Variants in CACNA1G observed in about 807,000 individuals in gnomAD.
CACNA1G encodes the protein voltage-dependent T-type calcium channel subunit alpha-1G.
CACNA1G carries 67 observed loss-of-function variants against 219.4 expected under a neutral mutation model. That is an observed-to-expected ratio of 0.31 (90% CI 0.25 to 0.37). CACNA1G has a LOEUF of 0.37. Among genes scored for constraint, CACNA1G ranks in the 10% least tolerant of loss-of-function variants. The probability of loss-of-function intolerance (pLI) is 1.00; values close to 1 mark genes in which losing one functional copy is unlikely to be tolerated. For missense variants in CACNA1G, 2,380 were observed against 3,231.4 expected (o/e 0.74, Z 6.39); for synonymous variants, 1,296 against 1,345.3 (o/e 0.96, Z 0.80).
chr17:50,578,708 G>C lies in CACNA1G; in HGVS notation c.2301+144G>C. 1.2e-6 allele frequency: 1 copy of C among 808,826 alleles called. No individual in the cohort carries two copies. The highest frequency in any genetic ancestry group is 1.9e-6 in the Non-Finnish European group (1 of 533,474). 50.1% of individuals were successfully genotyped at this position (808,826 alleles called of 1,614,324 possible). A position where few individuals can be genotyped will look rare whatever the true frequency, so the allele number is the denominator to read the frequency against. On this transcript the variant is annotated intron_variant, in intron 9 of 37. Transcript: ENST00000359106. This position sits in a 1 kb window ranked among gnomAD's most constrained non-coding sequence, Gnocchi z 4.5. ...ACCTGGCAGGTAGGAGGGGAGGTGGGTGATGGAGCAATGCATGGGGATTCT... is the reference window on the plus strand; with the variant it reads ...ACCTGGCAGGTAGGAGGGGAGGTGGCTGATGGAGCAATGCATGGGGATTCT...
At chr17:50,576,736 C>T (rs2040751202) in intron 8 of CACNA1G, among the ~76,000 whole-genome samples, 2 of 152,202 alleles carry the variant, frequency 1.3e-5, no homozygotes, top group Admixed American at 6.5e-5. Flanking sequence ...GAGGGGATTG[C>T]ATGACTTGCC....
chr17:50,603,204 C>CT lies in CACNA1G; in HGVS notation c.4169+6dup. 6.3e-7 allele frequency: 1 copy of CT among 1,599,992 alleles called. No homozygotes were observed. The highest frequency in any genetic ancestry group is 1.1e-5 in the South Asian group (1 of 90,806). On this transcript the variant is annotated splice_donor_region_variant and intron_variant, in intron 21 of 37. Transcript: ENST00000359106. This position sits in a 1 kb window ranked among gnomAD's most constrained non-coding sequence, Gnocchi z 6.4. ...GCGGACCCTGCGCCCGCTCAGGTGA[C>CT]TCCCTCCCCAGCACTGGAACACCTC...
At chr17:50,614,273 T>A (rs2049937949) in intron 26 of CACNA1G, among the ~76,000 whole-genome samples, 1 of 152,186 alleles carries the variant, frequency 6.6e-6, no homozygotes, top group Non-Finnish European at 1.5e-5. Flanking sequence ...AGCTACCCCC[T>A]GGCTCAGGCC....
rs1340298168 is a variant in CACNA1G at position 50,571,522 on chromosome 17, C to A, written c.587-356C>A. ...ACCTACACTTAGCAGCTGTGTGATACTGGGTGAGTCAAGTCATTTCTCCAA... is the reference window on the plus strand; with the variant it reads ...ACCTACACTTAGCAGCTGTGTGATAATGGGTGAGTCAAGTCATTTCTCCAA... On this transcript the variant is annotated intron_variant, in intron 4 of 37. Transcript: ENST00000359106. This position sits in a 1 kb window ranked among gnomAD's most constrained non-coding sequence, Gnocchi z 4.3. 6.6e-6 allele frequency among the ~76,000 whole-genome samples: 1 copy of A among 152,180 alleles called. No homozygotes were observed. The highest frequency in any genetic ancestry group is 1.9e-4 in the East Asian group (1 of 5,196).
At chr17:50,616,161 G>T (rs2050550538) in intron 27 of CACNA1G, 114 bp from the exon 28 acceptor site, 1 of 638,632 alleles carries the variant, frequency 1.6e-6, no homozygotes. Context: ...GAGAAGACAG[G>T]GCTCCTTGGA....
In CACNA1G at chr17:50,590,632, C is replaced by A. The variant is rs185499803; in HGVS notation, c.2453+10C>A. The A allele has an allele frequency of 3.7e-5, 59 of 1,607,456 alleles. No homozygotes were observed. Among genetic ancestry groups the A allele is most frequent in the East Asian group, 3.2e-4 (14 of 44,404 alleles). ...TCATTGTGGTCATCAGGTATGACTA[C>A]CCCCCGGCACTGACTCTCAGTTGAG... On this transcript the variant is annotated intron_variant, in intron 10 of 37. Coordinates refer to ENST00000359106, the MANE Select transcript of CACNA1G (RefSeq NM_018896.5).
In CACNA1G at chr17:50,578,758, GA is replaced by G. The variant is rs1421050275; in HGVS notation, c.2301+195del. Among the ~76,000 whole-genome samples, 1 of 152,200 alleles carries G rather than the reference GA, an allele frequency of 6.6e-6. No homozygotes were observed. The highest frequency in any genetic ancestry group is 1.5e-5 in the Non-Finnish European group (1 of 68,042). ...TCTAGAGGGAGTGCTTAAAGTCTCT[GA>G]GTATGGAGGTCGCCTCAGGTAGGCC... On this transcript the variant is annotated intron_variant, in intron 9 of 37. Transcript: ENST00000359106. The surrounding 1 kb of genome is among the most constrained non-coding windows in gnomAD (Gnocchi z 4.5).
At chr17:50,615,339 G>A in intron 26 of CACNA1G, 22 bp from the exon 27 acceptor site, 3 of 1,564,498 alleles carry the variant, frequency 1.9e-6, no homozygotes, top group Non-Finnish European at 2.6e-6. Context: ...CGCTTGCTCT[G>A]CTCTTCCCCC....
chr17:50,602,664 G>A (rs533940369), intron 19 of CACNA1G, among the ~76,000 whole-genome samples, 156 bp from the exon 20 acceptor site: 5 of 152,274 alleles, frequency 3.3e-5, no homozygotes, highest in African/African-American at 9.6e-5. Flanking sequence ...GGCTCTGTGC[G>A]TGTATGAGAG....
chr17:50,604,696 G>A lies in CACNA1G; in HGVS notation c.4296+415G>A, dbSNP rs1224476104. On this transcript the variant is annotated intron_variant, in intron 22 of 37. Coordinates refer to ENST00000359106, the MANE Select transcript of CACNA1G (RefSeq NM_018896.5). ...AGGTTAGCAGCGTGCTGGCAGGCAG[G>A]CGGGTGCAGACCCCAGACGAGGCAG... 5.3e-5 allele frequency among the ~76,000 whole-genome samples: 8 copies of A among 152,264 alleles called. No individual in the cohort carries two copies. The East Asian group carries it at 1.5e-3, about 29-fold the overall frequency.
At chr17:50,606,481 A>C (rs2047993048) in intron 23 of CACNA1G, 4 of 581,766 alleles carry the variant, frequency 6.9e-6, no homozygotes, top group Non-Finnish European at 3.1e-6. Flanking sequence ...ATAAGGATGC[A>C]ATGAGATGAT....
chr17:50,615,861 C>T (rs768799194), intron 27 of CACNA1G, among the ~76,000 whole-genome samples: 5 of 152,204 alleles, frequency 3.3e-5, no homozygotes, highest in African/African-American at 4.8e-5. Context: ...TTCTAGCGAA[C>T]GTCCAGCTCC....
At position 50,603,467 on chromosome 17, in the gene CACNA1G, G is replaced by A. The variant is rs543263430; in HGVS notation, c.4169+268G>A. Among the ~76,000 whole-genome samples, 1 of 152,278 alleles carries A rather than the reference G, an allele frequency of 6.6e-6. No homozygotes were observed. Among genetic ancestry groups the A allele is most frequent in the East Asian group, 1.9e-4 (1 of 5,178 alleles). On this transcript the variant is annotated intron_variant, in intron 21 of 37. Transcript: ENST00000359106. The surrounding 1 kb of genome is among the most constrained non-coding windows in gnomAD (Gnocchi z 6.4). The stretch of plus-strand genomic sequence containing the variant: ...CACCATGTGATGTAAGGTGACTGCA[G>A]CCCTGTGCAGCACACAGCACAAGGG...
At chr17:50,601,019 C>T (rs563747779) in intron 18 of CACNA1G, 32 bp from the exon 19 acceptor site, 2 of 1,607,820 alleles carry the variant, frequency 1.2e-6, no homozygotes, top group African/African-American at 1.3e-5. Context: ...CCCTGCCTCC[C>T]CCTCTCAGCC....
chr17:50,624,265 G>C, intron 36 of CACNA1G, 95 bp from the exon 37 acceptor site: 1 of 1,260,264 alleles, frequency 7.9e-7, no homozygotes, highest in Non-Finnish European at 1.1e-6. Context: ...GAGGGGGAGA[G>C]AGTGGAAGGG....
chr17:50,609,046 C>T (rs1393394323), intron 25 of CACNA1G, among the ~76,000 whole-genome samples: 2 of 152,166 alleles, frequency 1.3e-5, no homozygotes, highest in East Asian at 1.9e-4. Context: ...TTTCACAAAT[C>T]GTCTTCCTTC....
intron 26 of CACNA1G, 111 bp downstream of exon 26, chr17:50,610,046 C>A: frequency 9.4e-7 from 1 of 1,067,656 alleles, no homozygotes; most frequent in Non-Finnish European, 1.4e-6. Context: ...TCCCTGGGGC[C>A]CCCAAGAGGG....
rs560138790 is a variant in CACNA1G, at chr17:50,605,778, A to G, written c.4297-120A>G. The G allele has an allele frequency of 2.1e-4, 225 of 1,047,846 alleles. 2 individuals are homozygous for G. In the East Asian group the frequency reaches 2.4e-3, roughly 11 times the overall value. The allele number at this position is 1,047,846 out of a possible 1,614,324, so 64.9% of individuals were successfully genotyped here. A position where few individuals can be genotyped will look rare whatever the true frequency, so the allele number is the denominator to read the frequency against. On this transcript the variant is annotated intron_variant, in intron 22 of 37. Transcript: ENST00000359106. ...GTTTCCCTGACTTGACTGGCCCCAG[A>G]GCAGAGCACCCCACACTCACTCAAA...
Position 50,621,961 on chromosome 17 carries a change from G to A in CACNA1G, c.6060+167G>A, listed in dbSNP as rs553725030. On this transcript the variant is annotated intron_variant, in intron 35 of 37. Coordinates refer to ENST00000359106, the MANE Select transcript of CACNA1G (RefSeq NM_018896.5). This position sits in a 1 kb window ranked among gnomAD's most constrained non-coding sequence, Gnocchi z 4.6. ...GACCTCGGTGGCCCACGCTTTGCTG[G>A]CACAAGGTCTTCAGGTTCCCCACTG... Among the ~76,000 whole-genome samples, 4 of 152,152 alleles carry A rather than the reference G, an allele frequency of 2.6e-5. No individual in the cohort carries two copies. The South Asian group carries it at 6.3e-4, about 24-fold the overall frequency.
Sources: gnomAD v4.1 joint callset for allele counts (sites outside exome capture counted in the v4.1 genomes callset) on GRCh38, gnomAD v4.1.1 for gene constraint, Gnocchi (gnomAD v3.1) non-coding constraint, MANE v1.5 for transcripts, NCBI Gene and HGNC (gene_info 2026-07-23, HGNC 2026-07-21) for gene names.